The following SHISA5 variants were observed in gnomAD, a reference collection of about 807,000 sequenced individuals.
SHISA5 encodes protein shisa-5.
In SHISA5, 21 loss-of-function variants were observed where a neutral mutation model predicts 27.5. The observed-to-expected ratio is 0.76, with a 90% CI of 0.54 to 1.10. The LOEUF (loss-of-function observed/expected upper bound fraction) is 1.10. SHISA5 is among the 50% of genes least tolerant of loss of function. SHISA5 has a pLI of 0.00. For synonymous variants in SHISA5, 137 were observed against 142.2 expected, an observed-to-expected ratio of 0.96 and a Z score of 0.26; for missense variants, 314 against 336.3, an observed-to-expected ratio of 0.93 and a Z score of 0.52.
rs545810864 is a variant in SHISA5, at chr3:48,468,631, G to A, written c.*476C>T. 1.3e-5 allele frequency: 16 copies of A among 1,199,158 alleles called. No homozygotes were observed. The South Asian group carries it at 2.0e-4, about 15-fold the overall frequency. The allele number at this position is 1,199,158 out of a possible 1,614,324, so 74.3% of individuals were successfully genotyped here. On this transcript the variant is annotated 3_prime_UTR_variant, in exon 6 of 6. Coordinates refer to ENST00000296444, the MANE Select transcript of SHISA5 (RefSeq NM_016479.6). ...CTCTGCAACGGGTACCCCCAACTCC[G>A]GGGACGAGCCATGGCCTCAAGCAGC...
At chr3:48,494,014 A>G (rs1422342411) in intron 2 of SHISA5, among the ~76,000 whole-genome samples, 2 of 147,400 alleles carry the variant, frequency 1.4e-5, no homozygotes, top group Non-Finnish European at 2.9e-5. Context: ...CAAGTATACA[A>G]CATATTATTA....
At chr3:48,479,845 C>G (rs1462569554) in intron 2 of SHISA5, among the ~76,000 whole-genome samples, 1 of 152,094 alleles carries the variant, frequency 6.6e-6, no homozygotes, top group Non-Finnish European at 1.5e-5. Context: ...CCCGCCTTGG[C>G]CTCCCAAAGT....
chr3:48,489,085 G>A (rs996899322), intron 2 of SHISA5, among the ~76,000 whole-genome samples: 2 of 152,176 alleles, frequency 1.3e-5, no homozygotes, highest in South Asian at 4.1e-4. Flanking sequence ...CTACAGGACT[G>A]GGCCATAGAG....
chr3:48,479,905 GTT>G (rs35955467), intron 2 of SHISA5, among the ~76,000 whole-genome samples: 6 of 122,056 alleles, frequency 4.9e-5, no homozygotes, highest in Admixed American at 8.6e-5. Context: ...TTTCCACAAA[GTT>G]TTTTTTTTTT....
chr3:48,494,822 T>TTTAA (rs2041505121), intron 2 of SHISA5, among the ~76,000 whole-genome samples: 2 of 147,320 alleles, frequency 1.4e-5, no homozygotes, highest in Non-Finnish European at 1.5e-5. Flanking sequence ...TAGCTCTATT[T>TTTAA]TTAATTTTTG....
intron 3 of SHISA5, among the ~76,000 whole-genome samples, chr3:48,471,734 C>T (rs372609733): frequency 1.1e-4 from 17 of 151,486 alleles, no homozygotes; most frequent in South Asian, 2.1e-4. Context: ...AAAAATTAGC[C>T]GGACATGATG....
chr3:48,483,965 C>T (rs1205864860), intron 2 of SHISA5, among the ~76,000 whole-genome samples: 2 of 152,182 alleles, frequency 1.3e-5, no homozygotes, highest in East Asian at 3.9e-4. Flanking sequence ...GATCCTCCTG[C>T]CTCAGCCTCC....
At chr3:48,491,370 G>A (rs967023197) in intron 2 of SHISA5, among the ~76,000 whole-genome samples, 70 of 151,998 alleles carry the variant, frequency 4.6e-4, no homozygotes, top group Admixed American at 9.2e-4. Flanking sequence ...CGCCCGCCTC[G>A]GCCTCCCAAA....
At chr3:48,481,395 T>C (rs576116558) in intron 2 of SHISA5, among the ~76,000 whole-genome samples, 47 of 146,632 alleles carry the variant, frequency 3.2e-4, no homozygotes, top group South Asian at 2.3e-3. Flanking sequence ...GCCAAGATCG[T>C]GCCACTGCAC....
rs774273368 is a variant in SHISA5 at position 48,469,127 on chromosome 3, C to T, written c.703G>A (p.Ala235Thr). The T allele has an allele frequency of 4.3e-6, 7 of 1,613,102 alleles. No homozygotes were observed. The East Asian group carries it at 1.6e-4, about 36-fold the overall frequency. Reference protein sequence around the residue: ...QPPYNPAYMDAPKAAL With the variant: ...QPPYNPAYMDTPKAAL ...AATGCTCAGAGGGCCGCCTTCGGGG[C>T]ATCCATGTAGGCCGGGTTGTAAGGA... Residue 235 changes from alanine (A) to threonine (T), a missense_variant, in exon 6 of 6, where the codon GCC becomes ACC. Coordinates refer to ENST00000296444, the MANE Select transcript of SHISA5 (RefSeq NM_016479.6). The surrounding 1 kb of genome is among the most constrained non-coding windows in gnomAD (Gnocchi z 4.6).
intron 3 of SHISA5, among the ~76,000 whole-genome samples, chr3:48,474,046 A>C (rs916600741): frequency 1.3e-5 from 2 of 150,732 alleles, no homozygotes; most frequent in African/African-American, 4.9e-5. Context: ...AAAATCTGGG[A>C]TTTGTCTCAC....
chr3:48,477,223 T>C (rs2040857159), intron 3 of SHISA5: 1 of 365,696 alleles, frequency 2.7e-6, no homozygotes, highest in Middle Eastern at 4.3e-4. Context: ...GCCTACAGAG[T>C]AGCTGGAATT....
intron 3 of SHISA5, among the ~76,000 whole-genome samples, chr3:48,472,305 T>C (rs1347088063): frequency 1.3e-5 from 2 of 151,244 alleles, no homozygotes; most frequent in African/African-American, 4.9e-5. Context: ...CTGGGCAACA[T>C]AGTGAAACCC....
intron 3 of SHISA5, 44 bp downstream of exon 3, chr3:48,479,133 C>A (rs1437182342): frequency 7.7e-6 from 12 of 1,555,466 alleles, no homozygotes; most frequent in Non-Finnish European, 1.0e-5. Context: ...GCCCTCTTGT[C>A]ACCTTTGCCA....
chr3:48,479,987 T>C (rs1255366500), intron 2 of SHISA5, among the ~76,000 whole-genome samples: 1 of 151,010 alleles, frequency 6.6e-6, no homozygotes, highest in Non-Finnish European at 1.5e-5. Flanking sequence ...CACTGCAAGC[T>C]CCGCCTCCCG....
chr3:48,503,006 T>C lies in SHISA5; in HGVS notation c.76+1013A>G, dbSNP rs961847814. Reference sequence around the variant, plus strand: ...GGGGAGTTGGGGGGAACTGCACTTCTTGGCAGCTCCAGGCAGAACCCTGCT... The same window carrying C: ...GGGGAGTTGGGGGGAACTGCACTTCCTGGCAGCTCCAGGCAGAACCCTGCT... On this transcript the variant is annotated intron_variant, in intron 1 of 5. Coordinates refer to ENST00000296444, the MANE Select transcript of SHISA5 (RefSeq NM_016479.6). The C allele has an allele frequency of 2.9e-5, 26 of 905,728 alleles. No homozygotes were observed. The Admixed American group carries it at 3.6e-4, about 13-fold the overall frequency. The allele number at this position is 905,728 out of a possible 1,614,324, so 56.1% of individuals were successfully genotyped here.
At chr3:48,486,416 A>C (rs1261793479) in intron 2 of SHISA5, among the ~76,000 whole-genome samples, 1 of 96,726 alleles carries the variant, frequency 1.0e-5, no homozygotes, top group East Asian at 2.5e-4. Flanking sequence ...AATATATATT[A>C]TATATTATAT....
intron 3 of SHISA5, chr3:48,472,879 G>T: frequency 1.0e-6 from 1 of 978,714 alleles, no homozygotes; most frequent in Non-Finnish European, 1.5e-6. Flanking sequence ...CCAACCAGAG[G>T]CAGGAATGGA....
At chr3:48,502,890 A>T (rs953417688) in intron 1 of SHISA5, among the ~76,000 whole-genome samples, 1 of 152,222 alleles carries the variant, frequency 6.6e-6, no homozygotes, top group Non-Finnish European at 1.5e-5. Flanking sequence ...CCCGGGCCTG[A>T]TCAGGACACC....
Sources: gnomAD v4.1 joint callset for allele counts (sites outside exome capture counted in the v4.1 genomes callset) on GRCh38, gnomAD v4.1.1 for gene constraint, Gnocchi (gnomAD v3.1) non-coding constraint, MANE v1.5 for transcripts, NCBI Gene and HGNC (gene_info 2026-07-23, HGNC 2026-07-21) for gene names.